The following KCNB2 variants were observed in gnomAD, a reference collection of about 807,000 sequenced individuals.
KCNB2 encodes potassium voltage-gated channel subfamily B member 2, also known as delayed rectifier potassium channel protein.
A neutral mutation model predicts 61.5 loss-of-function variants in KCNB2; 15 were observed. The ratio of observed to expected loss-of-function variants is 0.24; its 90% confidence interval spans 0.16 to 0.38. KCNB2 has a LOEUF of 0.38. KCNB2 is among the 10% of genes least tolerant of loss of function. The probability of loss-of-function intolerance (pLI) is 1.00; values close to 1 mark genes in which losing one functional copy is unlikely to be tolerated. For missense variants in KCNB2, 828 were observed against 1,125.2 expected, an observed-to-expected ratio of 0.74 and a Z score of 3.78; for synonymous variants, 457 against 446.0, an observed-to-expected ratio of 1.02 and a Z score of -0.31.
intron 2 of KCNB2, among the ~76,000 whole-genome samples, chr8:72,889,829 C>T (rs1187123196): frequency 6.6e-6 from 1 of 152,144 alleles, no homozygotes; most frequent in Non-Finnish European, 1.5e-5. Flanking sequence ...AATCTTGGCT[C>T]ATTGCAACCT....
rs572167149 is a variant in KCNB2, at chr8:72,916,265, G to A, written c.580-19670G>A. Among the ~76,000 whole-genome samples the A allele has an allele frequency of 2.9e-4, 44 of 152,324 alleles. No homozygotes were observed. In the South Asian group the frequency reaches 4.3e-3, roughly 15 times the overall value. On this transcript the variant is annotated intron_variant, in intron 2 of 2. Transcript: ENST00000523207. ...ATAAAAGATTATTGATTATAAGGGAGATTTTTGAGGCAGGATATTTCCCTG... is the reference window on the plus strand; with the variant it reads ...ATAAAAGATTATTGATTATAAGGGAAATTTTTGAGGCAGGATATTTCCCTG...
chr8:72,856,707 T>C (rs1440230215), intron 2 of KCNB2, among the ~76,000 whole-genome samples: 1 of 152,204 alleles, frequency 6.6e-6, no homozygotes, highest in Non-Finnish European at 1.5e-5. Flanking sequence ...CTCAGATTCA[T>C]TTGAGGTAGT....
chr8:72,539,573 T>C (rs1455168344), intron 1 of KCNB2, among the ~76,000 whole-genome samples: 1 of 152,140 alleles, frequency 6.6e-6, no homozygotes, highest in African/African-American at 2.4e-5. Context: ...CCTTTCCCTC[T>C]CCATGTTAGT....
chr8:72,538,281 A>G (rs903925846), intron 1 of KCNB2, among the ~76,000 whole-genome samples: 8 of 152,134 alleles, frequency 5.3e-5, no homozygotes, highest in African/African-American at 1.9e-4. Flanking sequence ...ACATGCGTGC[A>G]TTTTATTCTT....
At chr8:72,792,358 T>G (rs1808959736) in intron 2 of KCNB2, among the ~76,000 whole-genome samples, 1 of 152,212 alleles carries the variant, frequency 6.6e-6, no homozygotes, top group African/African-American at 2.4e-5. Flanking sequence ...CTAATAGCAT[T>G]TGTGACTTTG....
At chr8:72,751,134 T>C (rs1030929756) in intron 2 of KCNB2, 2 of 151,990 alleles carry the variant, frequency 1.3e-5, no homozygotes, top group Non-Finnish European at 1.5e-5. Flanking sequence ...GGGATGCAGG[T>C]AGGAAGCAGG....
chr8:72,537,331 G>C lies in KCNB2; in HGVS notation c.-648G>C, dbSNP rs1327810186. The C allele has an allele frequency of 6.6e-6, 1 of 152,014 alleles. No individual in the cohort carries two copies. The highest frequency in any genetic ancestry group is 2.4e-5 in the African/African-American group (1 of 41,246). The allele number at this position is 152,014 out of a possible 1,614,324, so 9.4% of individuals were successfully genotyped here. On this transcript the variant is annotated 5_prime_UTR_variant, in exon 1 of 3. Coordinates refer to ENST00000523207, the MANE Select transcript of KCNB2 (RefSeq NM_004770.3). ...GCAGCCTCTACCCTGCTCCGCCACAGACACACACCCACCAAGCACCCACCG... is the reference window on the plus strand; with the variant it reads ...GCAGCCTCTACCCTGCTCCGCCACACACACACACCCACCAAGCACCCACCG...
intron 2 of KCNB2, among the ~76,000 whole-genome samples, chr8:72,753,079 T>G (rs2128995835): frequency 6.6e-6 from 1 of 152,366 alleles, no homozygotes; most frequent in African/African-American, 2.4e-5. Context: ...TGAGGAAATA[T>G]GCATTCTTCT....
At chr8:72,807,626 T>A (rs1809246401) in intron 2 of KCNB2, among the ~76,000 whole-genome samples, 2 of 152,188 alleles carry the variant, frequency 1.3e-5, no homozygotes, top group Admixed American at 1.3e-4. Context: ...GACAGATTTG[T>A]GTTTGACTTG....
In KCNB2 at chr8:72,937,329, A is replaced by C; in HGVS notation, c.1974A>C (p.Lys658Asn). Reference protein sequence around the residue: ...GPPFLTLSREKGPAARDGTLE... With the variant: ...GPPFLTLSRENGPAARDGTLE... Reference sequence around the variant, plus strand: ...CGTTTCTAACTCTATCCAGAGAGAAAGGACCTGCTGCCAGGGATGGCACGC... The same window carrying C: ...CGTTTCTAACTCTATCCAGAGAGAACGGACCTGCTGCCAGGGATGGCACGC... The change falls in exon 3 of 3, where the codon AAA (lysine) becomes AAC (asparagine). Residue 658 changes from lysine to asparagine, a missense_variant. Physicochemically the swap from Lys to Asn is moderately conservative, Grantham distance 94. This residue lies in a region of KCNB2 where 559 missense variants were observed against 588.4 expected (regional missense o/e 0.95). Coordinates refer to ENST00000523207, the MANE Select transcript of KCNB2 (RefSeq NM_004770.3). 1 of 1,614,078 alleles carries C rather than the reference A, an allele frequency of 6.2e-7. No individual in the cohort carries two copies. The highest frequency in any genetic ancestry group is 8.5e-7 in the Non-Finnish European group (1 of 1,180,012).
At chr8:72,655,106 T>C (rs758807859) in intron 2 of KCNB2, among the ~76,000 whole-genome samples, 1 of 152,120 alleles carries the variant, frequency 6.6e-6, no homozygotes, top group Non-Finnish European at 1.5e-5. Flanking sequence ...CAAAGAATAC[T>C]ACACAGCTAT....
At chr8:72,851,798 C>CT (rs67080189) in intron 2 of KCNB2, among the ~76,000 whole-genome samples, 19,955 of 96,684 alleles carry the variant, frequency 0.21, 2,413 homozygotes, top group Middle Eastern at 0.28. Flanking sequence ...TTTCTTCTTC[C>CT]TTTTTTTTTT....
At chr8:72,626,573 A>G (rs1232261098) in intron 2 of KCNB2, among the ~76,000 whole-genome samples, 1 of 152,242 alleles carries the variant, frequency 6.6e-6, no homozygotes, top group African/African-American at 2.4e-5. Flanking sequence ...CTGTCTAGAC[A>G]TTGTGCAGAG....
rs73297741 is a variant in KCNB2 at position 72,825,762 on chromosome 8, C to T, written c.580-110173C>T. 2.1e-3 allele frequency among the ~76,000 whole-genome samples: 322 copies of T among 151,998 alleles called. 4 individuals carry two copies. The highest frequency in any genetic ancestry group is 7.0e-3 in the African/African-American group (292 of 41,452). ...TGCATTGTTTGGTTTTTTTAATTGT[C>T]GAGTTATAGAGTTCTTCATATATTC... On this transcript the variant is annotated intron_variant, in intron 2 of 2. Transcript: ENST00000523207.
chr8:72,808,949 C>G (rs1809265313), intron 2 of KCNB2, among the ~76,000 whole-genome samples: 1 of 152,120 alleles, frequency 6.6e-6, no homozygotes, highest in Non-Finnish European at 1.5e-5. Flanking sequence ...AATTTTGTAT[C>G]TATTTAGTTC....
chr8:72,555,746 T>G (rs1250462591), intron 1 of KCNB2, among the ~76,000 whole-genome samples: 1 of 118,676 alleles, frequency 8.4e-6, no homozygotes, highest in Non-Finnish European at 1.8e-5. Context: ...GATTTTCTTT[T>G]TATTTTATTT....
intron 2 of KCNB2, among the ~76,000 whole-genome samples, chr8:72,688,903 T>C (rs1806898030): frequency 1.3e-5 from 2 of 152,104 alleles, no homozygotes; most frequent in African/African-American, 4.8e-5. Flanking sequence ...ATTTTTTAAG[T>C]ATTTTTTGTA....
chr8:72,682,293 T>C (rs1806772633), intron 2 of KCNB2, among the ~76,000 whole-genome samples: 1 of 152,192 alleles, frequency 6.6e-6, no homozygotes, highest in Non-Finnish European at 1.5e-5. Context: ...ACTGGGTGGC[T>C]ATAGACCAAG....
chr8:72,935,609 A>G (rs1806883324), intron 2 of KCNB2, among the ~76,000 whole-genome samples: 1 of 152,210 alleles, frequency 6.6e-6, no homozygotes, highest in Non-Finnish European at 1.5e-5. Flanking sequence ...AGAGAGAAAA[A>G]TACAGATAAC....
Sources: gnomAD v4.1 joint callset for allele counts (sites outside exome capture counted in the v4.1 genomes callset) on GRCh38, gnomAD v4.1.1 for gene constraint, gnomAD v4.1.1 regional missense constraint, MANE v1.5 for transcripts, NCBI Gene and HGNC (gene_info 2026-07-23, HGNC 2026-07-21) for gene names.